Variants in LOC400499 observed in about 807,000 individuals in gnomAD.
chr16:11,434,281 G>T, the LOC400499 span, among the ~76,000 whole-genome samples: 2 of 152,178 alleles, frequency 1.3e-5, no homozygotes, highest in African/African-American at 4.8e-5. Flanking sequence ...TGGCATGTTG[G>T]GAGGCTAAGG....
chr16:11,502,323 A>G, the LOC400499 span: 45 of 395,584 alleles, frequency 1.1e-4, no homozygotes, highest in African/African-American at 9.2e-4. Context: ...GCTGAGACCC[A>G]GTGAGATGAA....
the LOC400499 span, among the ~76,000 whole-genome samples, chr16:11,507,273 G>T: frequency 6.6e-6 from 1 of 152,214 alleles, no homozygotes; most frequent in Non-Finnish European, 1.5e-5. Flanking sequence ...CCATCTGGTT[G>T]CCACGGACTG....
chr16:11,493,330 T>G, the LOC400499 span, among the ~76,000 whole-genome samples: 1 of 152,168 alleles, frequency 6.6e-6, no homozygotes, highest in Admixed American at 6.5e-5. Context: ...ATGCCTGTGT[T>G]CCGATAAAAC....
chr16:11,460,924 C>T, the LOC400499 span: 1 of 1,494,106 alleles, frequency 6.7e-7, no homozygotes, highest in African/African-American at 1.4e-5. Flanking sequence ...CAGGCCCTGC[C>T]ACCTCCACCT....
the LOC400499 span, among the ~76,000 whole-genome samples, chr16:11,487,825 C>T: frequency 1.3e-5 from 2 of 152,154 alleles, no homozygotes; most frequent in Admixed American, 1.3e-4. Flanking sequence ...TTTAATAAAA[C>T]AGTGTTTCCG....
At chr16:11,390,588 G>A in the LOC400499 span, 5 of 742,434 alleles carry the variant, frequency 6.7e-6, no homozygotes, top group Non-Finnish European at 9.2e-6. Flanking sequence ...GGGAGCTGGG[G>A]GAACTGGAAC....
chr16:11,416,153 T>C, the LOC400499 span, among the ~76,000 whole-genome samples: 1 of 152,048 alleles, frequency 6.6e-6, no homozygotes, highest in Non-Finnish European at 1.5e-5. Context: ...TTTCACCATG[T>C]TGGCCAGGCT....
At chr16:11,375,233 A>G in the LOC400499 span, among the ~76,000 whole-genome samples, 1 of 143,912 alleles carries the variant, frequency 6.9e-6, no homozygotes, top group African/African-American at 2.7e-5. Context: ...AAGGGTTCAA[A>G]CAACTCAATG....
At chr16:11,420,502 A>T in the LOC400499 span, among the ~76,000 whole-genome samples, 2 of 149,688 alleles carry the variant, frequency 1.3e-5, no homozygotes, top group Non-Finnish European at 3.0e-5. Flanking sequence ...CTAAATGACG[A>T]GTTAATGGGT....
At chr16:11,449,061 C>T in the LOC400499 span, 1 of 1,485,726 alleles carries the variant, frequency 6.7e-7, no homozygotes, top group Non-Finnish European at 9.0e-7. Context: ...CTCGAGTTCG[C>T]TCCAGCTGTG....
At chr16:11,391,094 G>T in the LOC400499 span, among the ~76,000 whole-genome samples, 1 of 152,246 alleles carries the variant, frequency 6.6e-6, no homozygotes, top group Non-Finnish European at 1.5e-5. Context: ...CTGCCCTGGG[G>T]GTGGTCACAG....
chr16:11,507,269 G>C, the LOC400499 span, among the ~76,000 whole-genome samples: 2 of 152,322 alleles, frequency 1.3e-5, no homozygotes, highest in African/African-American at 4.8e-5. Flanking sequence ...AGGGCCATCT[G>C]GTTGCCACGG....
chr16:11,424,420 G>A, the LOC400499 span: 13 of 399,098 alleles, frequency 3.3e-5, no homozygotes, highest in Admixed American at 5.7e-4. Context: ...CATTTAGTCA[G>A]GATGGGAACA....
At chr16:11,484,368 C>T in the LOC400499 span, among the ~76,000 whole-genome samples, 3 of 152,138 alleles carry the variant, frequency 2.0e-5, no homozygotes, top group Non-Finnish European at 2.9e-5. Context: ...TGTTCATAAG[C>T]TTTATCATGG....
chr16:11,402,075 G>A, the LOC400499 span: 2 of 399,184 alleles, frequency 5.0e-6, no homozygotes, highest in Non-Finnish European at 8.8e-6. Flanking sequence ...AGGCCATCCC[G>A]GTGGCTGCCT....
At chr16:11,443,917 G>A in the LOC400499 span, among the ~76,000 whole-genome samples, 14 of 151,570 alleles carry the variant, frequency 9.2e-5, no homozygotes, top group African/African-American at 3.4e-4. Flanking sequence ...TCACCGTAAC[G>A]TCTGCCTCCC....
chr16:11,446,798 C>G, the LOC400499 span: 8 of 1,535,998 alleles, frequency 5.2e-6, no homozygotes, highest in African/African-American at 1.4e-5. Flanking sequence ...AGGGTTTCCT[C>G]TCGGCCATTC....
chr16:11,519,290 G>C, the LOC400499 span, among the ~76,000 whole-genome samples: 1 of 152,204 alleles, frequency 6.6e-6, no homozygotes, highest in East Asian at 1.9e-4. Flanking sequence ...TTGTAGAGCA[G>C]ACAAAGGCTT....
chr16:11,390,332 C>G, the LOC400499 span: 1 of 1,233,614 alleles, frequency 8.1e-7, no homozygotes, highest in East Asian at 3.1e-5. Flanking sequence ...GGCCTTGGAC[C>G]CCCTTTGCCT....
Sources: gnomAD v4.1 joint callset for allele counts (sites outside exome capture counted in the v4.1 genomes callset) on GRCh38, gnomAD v4.1.1 for gene constraint, MANE v1.5 for transcripts.